PLCXD3: variants seen among roughly 807,000 people sequenced by gnomAD.
The protein encoded by PLCXD3 is phosphatidylinositol specific phospholipase C X domain containing 3.
Under a neutral mutation model 25.5 loss-of-function variants are expected in PLCXD3, and 19 were observed. That is an observed-to-expected ratio of 0.75 (90% confidence interval 0.52 to 1.09). The LOEUF is 1.09. Among genes scored for constraint, PLCXD3 ranks in the 50% least tolerant of loss-of-function variants. The probability of loss-of-function intolerance (pLI) is 0.00; values close to 1 mark genes in which losing one functional copy is unlikely to be tolerated. For missense variants in PLCXD3, 411 were observed against 388.1 expected, an observed-to-expected ratio of 1.06 and a Z score of -0.50; for synonymous variants, 174 against 137.6, an observed-to-expected ratio of 1.26 and a Z score of -1.85.
intron 1 of PLCXD3, among the ~76,000 whole-genome samples, chr5:41,480,382 G>A (rs1748378165): frequency 6.8e-6 from 1 of 146,326 alleles, no homozygotes; most frequent in East Asian, 2.1e-4. Flanking sequence ...TCTTGTAGCT[G>A]TAACAAAGTT....
At chr5:41,363,040 T>A (rs1276472185) in intron 2 of PLCXD3, among the ~76,000 whole-genome samples, 1 of 152,178 alleles carries the variant, frequency 6.6e-6, no homozygotes, top group Non-Finnish European at 1.5e-5. Flanking sequence ...TACCACAGAA[T>A]CAGCATAATG....
chr5:41,485,425 T>C (rs1748497678), intron 1 of PLCXD3, among the ~76,000 whole-genome samples: 1 of 152,124 alleles, frequency 6.6e-6, no homozygotes, highest in Admixed American at 6.6e-5. Context: ...CCTTCTAAAT[T>C]GTATTCTTTG....
intron 2 of PLCXD3, among the ~76,000 whole-genome samples, chr5:41,314,661 G>T (rs1361635566): frequency 6.6e-6 from 1 of 152,174 alleles, no homozygotes; most frequent in East Asian, 1.9e-4. Context: ...CCCAGCTATT[G>T]CCATGGCACT....
rs1290407446 is a variant in PLCXD3 at position 41,307,235 on chromosome 5, G to A, written c.*6382C>T. ...ATGAAGCAAATCAACACAAATGTGT[G>A]TAAGCAGGAGTCATGAGATGGACAT... On this transcript the variant is annotated 3_prime_UTR_variant, in exon 3 of 3. Transcript: ENST00000377801. 1 of 152,574 alleles carries A rather than the reference G, an allele frequency of 6.6e-6. No homozygotes were observed. The highest frequency in any genetic ancestry group is 2.4e-5 in the African/African-American group (1 of 41,434). 9.5% of individuals were successfully genotyped at this position (152,574 alleles called of 1,614,324 possible).
At chr5:41,358,373 G>A (rs1226045025) in intron 2 of PLCXD3, among the ~76,000 whole-genome samples, 11 of 152,038 alleles carry the variant, frequency 7.2e-5, no homozygotes, top group Non-Finnish European at 1.3e-4. Flanking sequence ...AAGTTTTATC[G>A]TAGTTTCTGA....
At chr5:41,339,833 A>T (rs1382923075) in intron 2 of PLCXD3, among the ~76,000 whole-genome samples, 2 of 152,192 alleles carry the variant, frequency 1.3e-5, no homozygotes, top group African/African-American at 4.8e-5. Context: ...AGATGAATTA[A>T]AATGCTTCCT....
intron 1 of PLCXD3, among the ~76,000 whole-genome samples, chr5:41,469,239 A>G (rs761816348): frequency 3.3e-5 from 5 of 152,200 alleles, no homozygotes; most frequent in Non-Finnish European, 7.3e-5. Flanking sequence ...TATGATCATG[A>G]TGAATCATTC....
intron 1 of PLCXD3, among the ~76,000 whole-genome samples, chr5:41,445,208 T>A (rs895454790): frequency 1.3e-5 from 2 of 152,188 alleles, no homozygotes; most frequent in African/African-American, 4.8e-5. Context: ...ACTGAATTCA[T>A]AACAAGTCTG....
intron 1 of PLCXD3, among the ~76,000 whole-genome samples, chr5:41,434,518 C>A (rs1202643916): frequency 6.6e-6 from 1 of 152,182 alleles, no homozygotes; most frequent in African/African-American, 2.4e-5. Context: ...CTCACACCCC[C>A]AGGTACTTGC....
At chr5:41,359,864 TA>T (rs1223305907) in intron 2 of PLCXD3, among the ~76,000 whole-genome samples, 1 of 152,172 alleles carries the variant, frequency 6.6e-6, no homozygotes, top group African/African-American at 2.4e-5. Flanking sequence ...GAGCTTCTTG[TA>T]TTTGGATTTC....
chr5:41,382,479 C>T lies in PLCXD3; in HGVS notation c.159G>A (p.Glu53=). ...YIDEASPVGP[E]QPETVQNFVS... is the part of the protein sequence containing the mutation. ...CAAAATTCTGGACAGTTTCTGGCTG[C>T]TCAGGACCTACTGGAGAGGCTTCAT... is the stretch of plus-strand genomic sequence containing the variant. The change falls in exon 2 of 3, where the codon GAG becomes GAA. Residue 53 remains glutamate (E), a synonymous_variant. Coordinates refer to ENST00000377801, the MANE Select transcript of PLCXD3 (RefSeq NM_001005473.3). 1 of 1,610,736 alleles carries T rather than the reference C, an allele frequency of 6.2e-7. No individual in the cohort carries two copies.
At chr5:41,346,244 C>T (rs1485790036) in intron 2 of PLCXD3, among the ~76,000 whole-genome samples, 1 of 152,212 alleles carries the variant, frequency 6.6e-6, no homozygotes, top group Non-Finnish European at 1.5e-5. Flanking sequence ...ATATACAACC[C>T]TTACTCACCA....
chr5:41,356,189 C>T (rs1744612856), intron 2 of PLCXD3, among the ~76,000 whole-genome samples: 2 of 152,116 alleles, frequency 1.3e-5, no homozygotes, highest in South Asian at 4.1e-4. Context: ...TTGCTTGAAC[C>T]CAGGAGGCGG....
chr5:41,440,848 T>C (rs934471139), intron 1 of PLCXD3, among the ~76,000 whole-genome samples: 2 of 152,184 alleles, frequency 1.3e-5, no homozygotes, highest in African/African-American at 4.8e-5. Context: ...GTGGCCATTT[T>C]GTTTATTTCA....
intron 1 of PLCXD3, among the ~76,000 whole-genome samples, chr5:41,470,717 A>C (rs1748134821): frequency 2.0e-5 from 3 of 152,208 alleles, no homozygotes; most frequent in Admixed American, 2.0e-4. Flanking sequence ...GCTAGAAGCT[A>C]AACAGGAAAA....
intron 1 of PLCXD3, among the ~76,000 whole-genome samples, chr5:41,403,356 A>C (rs1323780722): frequency 7.5e-6 from 1 of 133,580 alleles, no homozygotes; most frequent in African/African-American, 2.8e-5. Flanking sequence ...ACAAAATAAC[A>C]CTAAGAATAC....
At chr5:41,352,511 G>A (rs371944825) in intron 2 of PLCXD3, among the ~76,000 whole-genome samples, 3 of 152,140 alleles carry the variant, frequency 2.0e-5, no homozygotes, top group Non-Finnish European at 2.9e-5. Flanking sequence ...AAGCAGGTTC[G>A]CAGAAAATAA....
At chr5:41,324,059 T>C (rs1580299395) in intron 2 of PLCXD3, among the ~76,000 whole-genome samples, 2 of 152,056 alleles carry the variant, frequency 1.3e-5, no homozygotes, top group South Asian at 4.1e-4. Context: ...TGAACGTGGA[T>C]AAGATCACTT....
At chr5:41,507,039 C>A (rs1189561686) in intron 1 of PLCXD3, among the ~76,000 whole-genome samples, 2 of 152,192 alleles carry the variant, frequency 1.3e-5, no homozygotes, top group African/African-American at 4.8e-5. Flanking sequence ...AGATTTTGGA[C>A]AGAATGACTC....
Sources: allele counts gnomAD v4.1 joint callset (sites outside exome capture counted in the v4.1 genomes callset), GRCh38; gene constraint gnomAD v4.1.1; transcripts MANE v1.5; gene names NCBI Gene and HGNC (gene_info 2026-07-23, HGNC 2026-07-21).